Variants in ZNF519 observed in about 807,000 individuals in gnomAD.
The protein encoded by ZNF519 is zinc finger protein 519, also known as similar to Zinc finger protein 85 (Zinc finger protein HPF4) (HTF1).
Under a neutral mutation model 7.4 loss-of-function variants are expected in ZNF519, and 7 were observed. The observed-to-expected ratio is 0.94, with a 90% CI of 0.54 to 1.77. The LOEUF is 1.77. ZNF519 is among the 40% of genes most tolerant of loss of function. ZNF519 has a pLI of 0.00. For synonymous variants in ZNF519, 179 were observed against 203.3 expected, an observed-to-expected ratio of 0.88 and a Z score of 1.02; for missense variants, 586 against 623.1, an observed-to-expected ratio of 0.94 and a Z score of 0.63.
chr18:14,117,144 C>G (rs556034973), intron 2 of ZNF519, among the ~76,000 whole-genome samples: 1 of 151,942 alleles, frequency 6.6e-6, no homozygotes, highest in African/African-American at 2.4e-5. Context: ...TATCTCTGCA[C>G]GCTAAACATT....
At chr18:14,117,050 G>A (rs1273485538) in intron 2 of ZNF519, among the ~76,000 whole-genome samples, 1 of 152,010 alleles carries the variant, frequency 6.6e-6, no homozygotes, top group African/African-American at 2.4e-5. Context: ...TATGACATTG[G>A]TCTCAGCAAT....
At chr18:14,119,370 C>A (rs919433781) in intron 2 of ZNF519, among the ~76,000 whole-genome samples, 2 of 152,214 alleles carry the variant, frequency 1.3e-5, no homozygotes, top group African/African-American at 4.8e-5. Context: ...GTCTGTAGGT[C>A]TGCCTCCAGG....
At chr18:14,081,005 T>G (rs1378851028) in intron 3 of ZNF519, among the ~76,000 whole-genome samples, 1 of 152,118 alleles carries the variant, frequency 6.6e-6, no homozygotes, top group Non-Finnish European at 1.5e-5. Flanking sequence ...TTAGTGGAGT[T>G]TGTGGGGAAT....
intron 2 of ZNF519, among the ~76,000 whole-genome samples, chr18:14,089,542 T>C (rs551820165): frequency 1.0e-5 from 1 of 96,400 alleles, no homozygotes; most frequent in Non-Finnish European, 2.1e-5. Context: ...TATTTAACTT[T>C]TATGGAGTTG....
At position 14,080,673 on chromosome 18, in the gene ZNF519, G is replaced by A. The variant is rs142752960; in HGVS notation, c.*178-2375C>T. On this transcript the variant is annotated intron_variant and NMD_transcript_variant, in intron 3 of 4. Coordinates refer to the ZNF519 transcript ENST00000587419. ...CTTACTATTTGATTCAGTAATTAGA[G>A]TCCTTAGTATTTACCCAAAGATGCT... Among the ~76,000 whole-genome samples the A allele has an allele frequency of 1.9e-3, 293 of 152,208 alleles. 3 individuals carry two copies. The highest frequency in any genetic ancestry group is 6.7e-3 in the African/African-American group (280 of 41,524).
chr18:14,087,249 C>G (rs1267533355), intron 2 of ZNF519, among the ~76,000 whole-genome samples: 1 of 152,074 alleles, frequency 6.6e-6, no homozygotes, highest in Non-Finnish European at 1.5e-5. Flanking sequence ...ATGGGAAAAG[C>G]TGGATGTTTT....
Position 14,106,400 on chromosome 18 carries a change from G to A in ZNF519, c.140C>T (p.Ser47Phe), listed in dbSNP as rs200033363. ...YRNLVSLAVY[S>F]YYNQGILPEQ... is the part of the protein sequence containing the mutation. ...TGGTAAAATGCCTTGGTTGTAATAA[G>A]AATACACAGCTGAAAGAAGTAAAAA... is the stretch of plus-strand genomic sequence containing the variant. The change falls in exon 3 of 3, where the codon TCT becomes TTT. Residue 47 changes from serine to phenylalanine, a missense_variant. Ser to Phe is a radical substitution (Grantham distance 155). Transcript: ENST00000590202. 7 of 1,585,530 alleles carry A rather than the reference G, an allele frequency of 4.4e-6. No homozygotes were observed. In the Admixed American group the frequency reaches 9.3e-5, roughly 21 times the overall value.
At chr18:14,131,956 G>C (rs577558545) in intron 1 of ZNF519, among the ~76,000 whole-genome samples, 8 of 152,294 alleles carry the variant, frequency 5.3e-5, no homozygotes, top group African/African-American at 1.9e-4. Flanking sequence ...GTAGGGACGG[G>C]GGACCCCACG....
chr18:14,081,206 T>C (rs1181313337), intron 3 of ZNF519, among the ~76,000 whole-genome samples: 1 of 152,122 alleles, frequency 6.6e-6, no homozygotes, highest in Non-Finnish European at 1.5e-5. Context: ...GTAAGAAACA[T>C]GTCACTCTTG....
At chr18:14,118,781 AG>A (rs1228013686) in intron 2 of ZNF519, among the ~76,000 whole-genome samples, 1 of 152,160 alleles carries the variant, frequency 6.6e-6, no homozygotes, top group Non-Finnish European at 1.5e-5. Context: ...AGACACACCC[AG>A]CCATGGCCCT....
downstream of ZNF519, chr18:14,074,102 G>A (rs1236986272): frequency 6.6e-6 from 1 of 152,218 alleles, no homozygotes; most frequent in Non-Finnish European, 1.5e-5. Context: ...CCTGCAGGAT[G>A]AAGCTCTGCA....
rs577386767 is a variant in ZNF519 at position 14,113,662 on chromosome 18, T to C, written c.131-7253A>G. Reference sequence around the variant, plus strand: ...ATTTCCCTTGTGTACATACCTAGGATTGGGGTTGCTAGGTAGTATAGTAGC... The same window carrying C: ...ATTTCCCTTGTGTACATACCTAGGACTGGGGTTGCTAGGTAGTATAGTAGC... On this transcript the variant is annotated intron_variant, in intron 2 of 2. Transcript: ENST00000590202. Among the ~76,000 whole-genome samples the C allele has an allele frequency of 1.1e-3, 174 of 152,178 alleles. 2 individuals carry two copies. Among genetic ancestry groups the C allele is most frequent in the Middle Eastern group, 0.01 (3 of 292 alleles).
intron 3 of ZNF519, among the ~76,000 whole-genome samples, chr18:14,084,529 G>C (rs558425463): frequency 6.6e-6 from 1 of 152,210 alleles, no homozygotes; most frequent in Non-Finnish European, 1.5e-5. Flanking sequence ...GATGTGGCGG[G>C]ACTGACCCCC....
At chr18:14,118,233 T>A (rs1332438541) in intron 2 of ZNF519, among the ~76,000 whole-genome samples, 2 of 152,002 alleles carry the variant, frequency 1.3e-5, no homozygotes, top group Admixed American at 6.6e-5. Context: ...TAATTTTTTT[T>A]ATTTTTAATA....
At position 14,104,945 on chromosome 18, in the gene ZNF519, G is replaced by A. The variant is rs902387778; in HGVS notation, c.1595C>T (p.Thr532Ile). ...GKAFNRRSTL[T>I]QHQIIHTR ...CCTGGTATGAATTATTTGATGTTGA[G>A]TAAGGGTTGAGCGTCTGTTAAAAGC... The change falls in exon 3 of 3, where the codon ACT (threonine) becomes ATT (isoleucine). Residue 532 changes from threonine to isoleucine, a missense_variant. By Grantham distance (89) the Thr-to-Ile change is moderately conservative. Transcript: ENST00000590202. 1 of 1,567,310 alleles carries A rather than the reference G, an allele frequency of 6.4e-7. No individual in the cohort carries two copies. Among genetic ancestry groups the A allele is most frequent in the Admixed American group, 1.9e-5 (1 of 52,106 alleles).
intron 2 of ZNF519, among the ~76,000 whole-genome samples, chr18:14,107,170 CG>C (rs1334260969): frequency 1.3e-5 from 2 of 152,110 alleles, no homozygotes; most frequent in Admixed American, 1.3e-4. Flanking sequence ...TAAGGCTGCA[CG>C]GTTCACAGAT....
At chr18:14,089,167 G>A (rs1347148291) in intron 2 of ZNF519, among the ~76,000 whole-genome samples, 4 of 152,276 alleles carry the variant, frequency 2.6e-5, no homozygotes, top group African/African-American at 7.2e-5. Context: ...GGTAATATAT[G>A]TAGCTTAAGA....
rs772981038 is a variant in ZNF519, at chr18:14,105,369, C to T, written c.1171G>A (p.Val391Ile). The part of the protein sequence containing the change: ...CGKAFNRSSY[V>I]TQHQRMHTGE... ...GTATGCATTCTCTGATGCTGAGTAA[C>T]GTATGAGCTTCTATTAAAGGCTTTG... is the stretch of plus-strand genomic sequence containing the variant. The change falls in exon 3 of 3, where the codon GTT becomes ATT. Residue 391 changes from valine to isoleucine, a missense_variant. By Grantham distance (29) the Val-to-Ile change is conservative. Transcript: ENST00000590202. 13 of 1,608,010 alleles carry T rather than the reference C, an allele frequency of 8.1e-6. No individual in the cohort carries two copies. Among genetic ancestry groups the T allele is most frequent in the African/African-American group, 2.7e-5 (2 of 72,750 alleles).
intron 2 of ZNF519, among the ~76,000 whole-genome samples, chr18:14,116,353 G>C (rs1441255798): frequency 6.6e-6 from 1 of 152,060 alleles, no homozygotes; most frequent in Non-Finnish European, 1.5e-5. Context: ...AAGGACCATT[G>C]ATGGCCCAAA....
Sources: allele counts gnomAD v4.1 joint callset (sites outside exome capture counted in the v4.1 genomes callset), GRCh38; gene constraint gnomAD v4.1.1; transcripts MANE v1.5; gene names NCBI Gene and HGNC (gene_info 2026-07-23, HGNC 2026-07-21).